ASTN2: variants seen among roughly 807,000 people sequenced by gnomAD.
ASTN2 encodes the protein astrotactin-2.
ASTN2 carries 54 observed loss-of-function variants against 139.8 expected under a neutral mutation model. The observed-to-expected ratio is 0.39, with a 90% CI of 0.31 to 0.48. The LOEUF (loss-of-function observed/expected upper bound fraction) is 0.48, where lower values mean the gene tolerates loss of function less well. ASTN2 is among the 20% of genes least tolerant of loss of function. The probability of loss-of-function intolerance (pLI) is 0.95; values close to 1 mark genes in which losing one functional copy is unlikely to be tolerated. For missense variants in ASTN2, 1,565 were observed against 1,725.1 expected (o/e 0.91, Z 1.64); for synonymous variants, 756 against 719.5 (o/e 1.05, Z -0.81).
At chr9:117,080,949 C>G (rs1017064920) in intron 5 of ASTN2, among the ~76,000 whole-genome samples, 1 of 152,116 alleles carries the variant, frequency 6.6e-6, no homozygotes, top group Admixed American at 6.5e-5. Flanking sequence ...AACATCACAC[C>G]CAAATGTAAT....
intron 19 of ASTN2, among the ~76,000 whole-genome samples, chr9:116,566,669 A>T (rs1853249503): frequency 6.6e-6 from 1 of 152,192 alleles, no homozygotes; most frequent in Non-Finnish European, 1.5e-5. Flanking sequence ...CCCTAGTCTG[A>T]GTACTCTGAA....
At chr9:116,900,525 A>C (rs985401226) in intron 10 of ASTN2, among the ~76,000 whole-genome samples, 2 of 152,202 alleles carry the variant, frequency 1.3e-5, no homozygotes, top group African/African-American at 2.4e-5. Flanking sequence ...TCCTAGGCTT[A>C]ACCCTCAGAA....
Position 117,214,671 on chromosome 9 carries a change from C to T in ASTN2, c.702G>A (p.Gln234=). The change falls in exon 3 of 23, where the codon CAG becomes CAA. Residue 234 remains glutamine (Q), a synonymous_variant. Coordinates refer to ENST00000313400, the MANE Select transcript of ASTN2 (RefSeq NM_001365068.1). ...TVALYAQRRW[Q]KRRRIPQKSA... is the part of the protein sequence containing the mutation. ...TCTTCTGGGGGATGCGGCGACGCTT[C>T]TGCCAACGTCGCTGGGCGTACAGCG... The T allele has an allele frequency of 1.3e-6, 2 of 1,541,640 alleles. No individual in the cohort carries two copies. The highest frequency in any genetic ancestry group is 1.8e-6 in the Non-Finnish European group (2 of 1,136,544).
chr9:117,296,614 T>C (rs927691776), intron 1 of ASTN2, among the ~76,000 whole-genome samples: 1 of 152,220 alleles, frequency 6.6e-6, no homozygotes, highest in African/African-American at 2.4e-5. Context: ...CTAAATGCAT[T>C]GGGTCAGGAA....
chr9:117,208,661 A>T (rs1278327881), intron 3 of ASTN2, among the ~76,000 whole-genome samples: 1 of 152,214 alleles, frequency 6.6e-6, no homozygotes, highest in Non-Finnish European at 1.5e-5. Flanking sequence ...TTAAACCCAA[A>T]CAGATCTTCT....
At chr9:117,292,438 T>C (rs543429501) in intron 1 of ASTN2, among the ~76,000 whole-genome samples, 19 of 152,332 alleles carry the variant, frequency 1.2e-4, no homozygotes, top group Admixed American at 1.0e-3. Context: ...TAAAGGTGTA[T>C]GTGCCTGCAA....
At chr9:117,024,066 C>T (rs183454464) in intron 6 of ASTN2, among the ~76,000 whole-genome samples, 373 of 152,236 alleles carry the variant, frequency 2.5e-3, no homozygotes, top group Non-Finnish European at 3.4e-3. Flanking sequence ...TTTCCTTTTG[C>T]ACAAACCAGT....
chr9:116,513,857 A>G (rs1309297958), intron 19 of ASTN2, among the ~76,000 whole-genome samples: 1 of 151,942 alleles, frequency 6.6e-6, no homozygotes, highest in East Asian at 1.9e-4. Flanking sequence ...CCATCAGGTC[A>G]TTTAAGGACT....
At chr9:116,888,711 AT>A (rs1833681924) in intron 10 of ASTN2, among the ~76,000 whole-genome samples, 1 of 150,742 alleles carries the variant, frequency 6.6e-6, no homozygotes, top group East Asian at 2.0e-4. Flanking sequence ...AAAAAAAAAA[AT>A]AAGTTCTGGA....
chr9:117,182,406 A>G (rs1474850776), intron 3 of ASTN2, among the ~76,000 whole-genome samples: 1 of 151,974 alleles, frequency 6.6e-6, no homozygotes, highest in East Asian at 1.9e-4. Flanking sequence ...TTTATATACC[A>G]CTGATCTGAG....
rs567883689 is a variant in ASTN2 at position 117,011,540 on chromosome 9, C to A, written c.1424-3281G>T. ...TAAATTTCTGTTGTTTATAAACCAA[C>A]TGCTATAGTAGACTGAACAAACTAA... On this transcript the variant is annotated intron_variant, in intron 6 of 22. Transcript: ENST00000313400. 1.5e-4 allele frequency among the ~76,000 whole-genome samples: 23 copies of A among 152,330 alleles called. 1 individual carries two copies. The highest frequency in any genetic ancestry group is 5.1e-4 in the African/African-American group (21 of 41,584).
chr9:116,492,023 T>C (rs1055645925), intron 19 of ASTN2, among the ~76,000 whole-genome samples: 5 of 152,044 alleles, frequency 3.3e-5, no homozygotes, highest in Non-Finnish European at 4.4e-5. Context: ...TAAAATACTG[T>C]ATACTGGAAC....
chr9:116,688,837 G>T (rs1434240823), intron 16 of ASTN2, among the ~76,000 whole-genome samples: 1 of 152,050 alleles, frequency 6.6e-6, no homozygotes. Flanking sequence ...TGAGTGAGGT[G>T]TTTGGGCTCG....
chr9:117,218,117 C>G (rs1458369592), intron 2 of ASTN2, among the ~76,000 whole-genome samples: 3 of 152,232 alleles, frequency 2.0e-5, no homozygotes, highest in African/African-American at 7.2e-5. Flanking sequence ...TCTGCCTTAT[C>G]AAGTTACCTA....
At chr9:116,528,264 C>T (rs1340402834) in intron 19 of ASTN2, among the ~76,000 whole-genome samples, 2 of 152,220 alleles carry the variant, frequency 1.3e-5, no homozygotes, top group Admixed American at 6.5e-5. Context: ...GCAAAGGTCA[C>T]TCTTGGTATG....
chr9:116,525,413 C>G (rs1282510296), intron 19 of ASTN2, among the ~76,000 whole-genome samples: 3 of 152,146 alleles, frequency 2.0e-5, no homozygotes, highest in African/African-American at 7.2e-5. Flanking sequence ...GGAGGAAGCA[C>G]CAGAGCATGG....
At chr9:117,021,322 T>A (rs1007500312) in intron 6 of ASTN2, among the ~76,000 whole-genome samples, 1 of 152,054 alleles carries the variant, frequency 6.6e-6, no homozygotes, top group Non-Finnish European at 1.5e-5. Flanking sequence ...ACATTTGGAG[T>A]GTATTTATGC....
chr9:116,613,189 C>T (rs145488361), intron 19 of ASTN2: 3,358 of 152,264 alleles, frequency 0.022, 56 homozygotes, highest in Middle Eastern at 0.041. Flanking sequence ...GAAGTTGAAT[C>T]CCTGAATAGA....
At chr9:117,355,771 G>A (rs2130887208) in intron 1 of ASTN2, among the ~76,000 whole-genome samples, 3 of 152,296 alleles carry the variant, frequency 2.0e-5, no homozygotes, top group East Asian at 3.9e-4. Context: ...CTACCTCTGA[G>A]CATCTGGAAT....
Sources: allele counts gnomAD v4.1 joint callset (sites outside exome capture counted in the v4.1 genomes callset), GRCh38; gene constraint gnomAD v4.1.1; transcripts MANE v1.5; gene names NCBI Gene and HGNC (gene_info 2026-07-23, HGNC 2026-07-21).